SLC26A4: variants seen among roughly 807,000 people sequenced by gnomAD.
The protein encoded by SLC26A4 is pendrin.
In SLC26A4, 93 loss-of-function variants were observed where a neutral mutation model predicts 90.4. That is an observed-to-expected ratio of 1.03 (90% CI 0.87 to 1.22). SLC26A4 has a LOEUF of 1.22. SLC26A4 is among the 50% of genes most tolerant of loss of function. SLC26A4 has a pLI of 0.00. For missense variants in SLC26A4, 1,127 were observed against 946.2 expected (o/e 1.19, Z -2.51); for synonymous variants, 393 against 354.6 (o/e 1.11, Z -1.22).
intron 8 of SLC26A4, 100 bp from the exon 9 acceptor site, chr7:107,688,953 C>G: frequency 1.6e-6 from 2 of 1,228,558 alleles, no homozygotes; most frequent in Non-Finnish European, 2.4e-6. Flanking sequence ...CAAGTACTTT[C>G]ATGTCTAATA....
At chr7:107,696,257 AGAG>A (rs1432111504) in intron 13 of SLC26A4, among the ~76,000 whole-genome samples, 1 of 152,236 alleles carries the variant, frequency 6.6e-6, no homozygotes, top group Admixed American at 6.5e-5. Context: ...AGGTGAGAAA[AGAG>A]AAATTCAGAA....
chr7:107,698,474 G>A (rs539377244), intron 14 of SLC26A4, among the ~76,000 whole-genome samples: 117 of 152,086 alleles, frequency 7.7e-4, no homozygotes, highest in African/African-American at 2.3e-3. Flanking sequence ...GTGCCACCAC[G>A]CCTGGCTAAT....
chr7:107,697,991 C>A, intron 13 of SLC26A4, 51 bp from the exon 14 acceptor site: 1 of 1,189,228 alleles, frequency 8.4e-7, no homozygotes, highest in Non-Finnish European at 1.3e-6. Flanking sequence ...ACTTTTTATT[C>A]CAAAATACGG....
At chr7:107,708,864 A>G (rs1459845979) in intron 18 of SLC26A4, among the ~76,000 whole-genome samples, 2 of 152,122 alleles carry the variant, frequency 1.3e-5, no homozygotes, top group South Asian at 2.1e-4. Context: ...TGAGGAGAGC[A>G]AAGCTGGAGA....
rs758057358 is a variant in SLC26A4 at position 107,663,392 on chromosome 7, C to A, written c.261C>A (p.Asp87Glu). The A allele has an allele frequency of 1.2e-6, 2 of 1,613,992 alleles. No individual in the cohort carries two copies. The highest frequency in any genetic ancestry group is 2.2e-5 in the South Asian group (2 of 91,070). Reference sequence around the variant, plus strand: ...GAGTCAAGGAATGGCTGCTTAGTGACGTCATTTCGGGAGTTAGTACTGGGC... The same window carrying A: ...GAGTCAAGGAATGGCTGCTTAGTGAAGTCATTTCGGGAGTTAGTACTGGGC... Reference protein sequence around the residue: ...KYRVKEWLLSDVISGVSTGLV... With the variant: ...KYRVKEWLLSEVISGVSTGLV... The change falls in exon 3 of 21, where the codon GAC becomes GAA. Residue 87 changes from aspartate (D) to glutamate (E), a missense_variant. Coordinates refer to ENST00000644269, the MANE Select transcript of SLC26A4 (RefSeq NM_000441.2).
chr7:107,675,867 C>T (rs534690124), intron 6 of SLC26A4, among the ~76,000 whole-genome samples: 34 of 151,160 alleles, frequency 2.2e-4, no homozygotes, highest in African/African-American at 7.8e-4. Flanking sequence ...CCACCGCGCC[C>T]GGCCTGGGAG....
At chr7:107,682,125 AAAAAATT>A (rs1275761674) in intron 6 of SLC26A4, among the ~76,000 whole-genome samples, 3 of 140,690 alleles carry the variant, frequency 2.1e-5, no homozygotes, top group Non-Finnish European at 3.1e-5. Context: ...AAAAAAAAAA[AAAAAATT>A]TTTTTTATGT....
At chr7:107,679,942 C>A (rs1427477453) in intron 6 of SLC26A4, among the ~76,000 whole-genome samples, 4 of 133,724 alleles carry the variant, frequency 3.0e-5, no homozygotes, top group African/African-American at 5.7e-5. Context: ...ATTATATAAT[C>A]TTATCTTATA....
At chr7:107,684,812 A>C (rs556284188) in intron 8 of SLC26A4, among the ~76,000 whole-genome samples, 64 of 152,368 alleles carry the variant, frequency 4.2e-4, no homozygotes, top group African/African-American at 1.5e-3. Context: ...TAATTTCATT[A>C]GTTAGAAACA....
chr7:107,693,242 G>C (rs751563146), intron 10 of SLC26A4: 117 of 953,156 alleles, frequency 1.2e-4, no homozygotes, highest in African/African-American at 3.0e-4. Context: ...AAGAGCACCA[G>C]GGTACTGGGA....
At chr7:107,674,050 A>T in intron 4 of SLC26A4, 114 bp from the exon 5 acceptor site, 5 of 1,128,212 alleles carry the variant, frequency 4.4e-6, no homozygotes, top group Non-Finnish European at 6.7e-6. Flanking sequence ...TCGTGAACAA[A>T]CAATATTTTC....
At chr7:107,709,922 G>GTTCACT in intron 18 of SLC26A4, 132 bp from the exon 19 acceptor site, 1 of 697,424 alleles carries the variant, frequency 1.4e-6, no homozygotes, top group Non-Finnish European at 2.5e-6. Flanking sequence ...CTTGAACTTG[G>GTTCACT]GACGCGGAGG....
At chr7:107,686,300 C>A (rs796459856) in intron 8 of SLC26A4, among the ~76,000 whole-genome samples, 727 of 37,106 alleles carry the variant, frequency 0.02, 17 homozygotes, top group African/African-American at 0.061. Flanking sequence ...TCCTACCTTC[C>A]CTCCCTTCCC....
chr7:107,705,342 A>C (rs773243608), intron 18 of SLC26A4, among the ~76,000 whole-genome samples: 2 of 152,132 alleles, frequency 1.3e-5, no homozygotes, highest in African/African-American at 2.4e-5. Flanking sequence ...AGACCATTCG[A>C]TGTCTGACAG....
chr7:107,686,504 C>G (rs1470104130), intron 8 of SLC26A4, among the ~76,000 whole-genome samples: 1 of 118,222 alleles, frequency 8.5e-6, no homozygotes, highest in Non-Finnish European at 1.8e-5. Context: ...CTTTCCTTTT[C>G]TGAAACAGAA....
At chr7:107,701,717 A>G in intron 16 of SLC26A4, 110 bp from the exon 17 acceptor site, 4 of 770,812 alleles carry the variant, frequency 5.2e-6, no homozygotes, top group Non-Finnish European at 9.0e-6. Flanking sequence ...CATCTCCTTG[A>G]TGTCTTGCTT....
intron 6 of SLC26A4, among the ~76,000 whole-genome samples, chr7:107,680,096 A>C (rs1222647791): frequency 1.2e-5 from 1 of 85,028 alleles, no homozygotes; most frequent in Non-Finnish European, 2.2e-5. Context: ...TTATTATATA[A>C]TCTTATCTTA....
chr7:107,710,254 T>C, intron 19 of SLC26A4, 55 bp downstream of exon 19: 6 of 1,295,278 alleles, frequency 4.6e-6, no homozygotes, highest in Non-Finnish European at 6.7e-6. Flanking sequence ...ATGATTTCTA[T>C]AAATGGCAAA....
Position 107,712,572 on chromosome 7 carries a change from G to A in SLC26A4, c.2269G>A (p.Glu757Lys), listed in dbSNP as rs756344801. 2.5e-6 allele frequency: 4 copies of A among 1,591,562 alleles called. No homozygotes were observed. The Admixed American group carries it at 6.7e-5, about 27-fold the overall frequency. Residue 757 changes from glutamate to lysine, a missense_variant, in exon 20 of 21, where the codon GAA becomes AAA. Transcript: ENST00000644269. ...TLIQDCKDTL[E>K]LIETELTEEE... Reference sequence around the variant, plus strand: ...CATTCAGGATTGTAAAGATACCCTTGAATTAATAGAAACAGAGCTGACGGA... The same window carrying A: ...CATTCAGGATTGTAAAGATACCCTTAAATTAATAGAAACAGAGCTGACGGA...
Sources: allele counts gnomAD v4.1 joint callset (sites outside exome capture counted in the v4.1 genomes callset), GRCh38; gene constraint gnomAD v4.1.1; transcripts MANE v1.5; gene names NCBI Gene and HGNC (gene_info 2026-07-23, HGNC 2026-07-21).